The following HPD variants were observed in gnomAD, a reference collection of about 807,000 sequenced individuals.
The protein encoded by HPD is 4-hydroxyphenylpyruvate dioxygenase.
A neutral mutation model predicts 56.9 loss-of-function variants in HPD; 35 were observed. The observed-to-expected ratio is 0.62, with a 90% CI of 0.47 to 0.82. HPD has a LOEUF of 0.82. HPD is among the 40% of genes least tolerant of loss of function. The pLI, the probability that HPD is intolerant of heterozygous loss-of-function variation, is 0.00. For missense variants in HPD, 442 were observed against 506.8 expected (o/e 0.87, Z 1.23); for synonymous variants, 186 against 200.2 (o/e 0.93, Z 0.60).
intron 11 of HPD, among the ~76,000 whole-genome samples, chr12:121,844,955 G>A (rs1367878842): frequency 2.0e-5 from 3 of 151,562 alleles, no homozygotes; most frequent in African/African-American, 7.3e-5. Context: ...GTGGTGTCAT[G>A]CACCTGTAAT....
intron 2 of HPD, among the ~76,000 whole-genome samples, chr12:121,858,416 C>A (rs948332977): frequency 3.9e-5 from 6 of 152,120 alleles, no homozygotes; most frequent in Non-Finnish European, 5.9e-5. Context: ...AACTCCTGAC[C>A]TCAAGTATTT....
the HPD span, among the ~76,000 whole-genome samples, chr12:121,883,179 GTTGT>G: frequency 3.4e-5 from 4 of 117,434 alleles, no homozygotes; most frequent in South Asian, 1.2e-3. Context: ...TGGAGCATAA[GTTGT>G]GTGTGTGTGT....
intron 9 of HPD, among the ~76,000 whole-genome samples, chr12:121,848,319 A>G (rs1467901867): frequency 6.6e-6 from 1 of 151,796 alleles, no homozygotes; most frequent in East Asian, 1.9e-4. Flanking sequence ...TATTATTATT[A>G]TTATTATTTT....
intron 7 of HPD, among the ~76,000 whole-genome samples, chr12:121,851,711 T>A (rs1440704928): frequency 0.068 from 199 of 2,928 alleles, 12 homozygotes; most frequent in Middle Eastern, 0.5. Context: ...TTTTTTTTTT[T>A]TTTTTTTTTT....
the HPD span, among the ~76,000 whole-genome samples, chr12:121,887,214 TA>T: frequency 1.5e-5 from 2 of 132,476 alleles, no homozygotes; most frequent in African/African-American, 5.0e-5. Flanking sequence ...GCTAATTAAT[TA>T]TTATTTTTTT....
chr12:121,845,644 C>T (rs1261926576), intron 11 of HPD, among the ~76,000 whole-genome samples: 5 of 151,620 alleles, frequency 3.3e-5, no homozygotes, highest in Admixed American at 6.6e-5. Flanking sequence ...CTATGTTGCC[C>T]ACGTTGGTCT....
the HPD span, among the ~76,000 whole-genome samples, chr12:121,884,971 C>T: frequency 1.3e-5 from 2 of 152,124 alleles, no homozygotes; most frequent in South Asian, 4.1e-4. Context: ...TCACTACAAC[C>T]TCCACCTCCC....
chr12:121,844,462 A>G (rs1877509217), intron 11 of HPD, among the ~76,000 whole-genome samples: 1 of 151,018 alleles, frequency 6.6e-6, no homozygotes. Context: ...TTAAGGATCT[A>G]TTAGGCCGAG....
At chr12:121,870,628 C>T in the HPD span, among the ~76,000 whole-genome samples, 7 of 132,812 alleles carry the variant, frequency 5.3e-5, no homozygotes, top group East Asian at 1.6e-3. Flanking sequence ...CAGAGTTTCA[C>T]TCTTGTTACT....
chr12:121,852,020 G>GTTTAA (rs1419579730), intron 7 of HPD, among the ~76,000 whole-genome samples: 49 of 3,888 alleles, frequency 0.013, 14 homozygotes, highest in Middle Eastern at 1. Context: ...ACCGCGCCCG[G>GTTTAA]CCTATTCATT....
chr12:121,849,172 GT>G, intron 8 of HPD, 96 bp from the exon 9 acceptor site: 1 of 767,300 alleles, frequency 1.3e-6, no homozygotes, highest in Non-Finnish European at 2.3e-6. Context: ...TCACACTTCT[GT>G]TTTTGGAGTT....
In HPD at chr12:121,849,862, C is replaced by T. The variant is rs143093488; in HGVS notation, c.415-72G>A. The stretch of plus-strand genomic sequence containing the variant: ...GCCGAGGACAGAGCACATTTCATAG[C>T]GCTAACGTAGCCCCGGGTTCCAACC... On this transcript the variant is annotated intron_variant, in intron 7 of 13. Transcript: ENST00000289004. The T allele has an allele frequency of 1.0e-4, 102 of 1,001,000 alleles. No homozygotes were observed. The African/African-American group carries it at 1.2e-3, about 12-fold the overall frequency. The allele number at this position is 1,001,000 out of a possible 1,614,324, so 62.0% of individuals were successfully genotyped here. A position where few individuals can be genotyped will look rare whatever the true frequency, so the allele number is the denominator to read the frequency against.
chr12:121,874,490 C>T, the HPD span, among the ~76,000 whole-genome samples: 3 of 151,714 alleles, frequency 2.0e-5, no homozygotes, highest in South Asian at 2.1e-4. Flanking sequence ...TGGTGGCGGG[C>T]GCCTGTAATC....
At chr12:121,879,762 A>AT in the HPD span, among the ~76,000 whole-genome samples, 1 of 152,142 alleles carries the variant, frequency 6.6e-6, no homozygotes, top group African/African-American at 2.4e-5. Context: ...ACTTATGCTA[A>AT]TTTTTTTACA....
upstream of HPD, among the ~76,000 whole-genome samples, chr12:121,859,761 T>A (rs2137636898): frequency 6.6e-6 from 1 of 152,372 alleles, no homozygotes; most frequent in African/African-American, 2.4e-5. Context: ...CTCTATTTTC[T>A]GGGCCATTCA....
In HPD at chr12:121,856,308, C is replaced by G. The variant is rs761302564; in HGVS notation, c.324+16G>C. 1.9e-6 allele frequency: 3 copies of G among 1,608,354 alleles called. No homozygotes were observed. The highest frequency in any genetic ancestry group is 1.1e-5 in the South Asian group (1 of 90,952). The stretch of plus-strand genomic sequence containing the variant: ...CGGAGGCCTTCCTCTCTCAGTCCAC[C>G]CAGGTGCTTTCTTACCTGCACGATG... On this transcript the variant is annotated intron_variant, in intron 6 of 13. Transcript: ENST00000289004.
upstream of HPD, among the ~76,000 whole-genome samples, chr12:121,864,015 G>C (rs1027978613): frequency 6.8e-6 from 1 of 147,904 alleles, no homozygotes; most frequent in African/African-American, 2.5e-5. Flanking sequence ...ATCATTTGAG[G>C]TCAGGAATTT....
chr12:121,853,656 G>A (rs1207624494), intron 7 of HPD, among the ~76,000 whole-genome samples: 7 of 141,518 alleles, frequency 4.9e-5, no homozygotes. Context: ...GAAAGTTGAA[G>A]AAAACAGCCT....
intron 7 of HPD, among the ~76,000 whole-genome samples, chr12:121,850,341 G>C: frequency 6.6e-6 from 1 of 151,480 alleles, no homozygotes; most frequent in East Asian, 2.0e-4. Flanking sequence ...ACAGGAGAAT[G>C]GCATGAACCC....
Sources: gnomAD v4.1 joint callset for allele counts (sites outside exome capture counted in the v4.1 genomes callset) on GRCh38, gnomAD v4.1.1 for gene constraint, MANE v1.5 for transcripts, NCBI Gene and HGNC (gene_info 2026-07-23, HGNC 2026-07-21) for gene names.